Variants in RTCA observed in about 807,000 individuals in gnomAD.
RTCA encodes RNA 3'-terminal phosphate cyclase, also known as RNA terminal phosphate cyclase domain 1.
A neutral mutation model predicts 46.1 loss-of-function variants in RTCA; 37 were observed. The ratio of observed to expected loss-of-function variants is 0.80; its 90% CI spans 0.62 to 1.06. The LOEUF (loss-of-function observed/expected upper bound fraction) is 1.06. Ranked by LOEUF, RTCA falls within the 50% of genes least tolerant of loss-of-function variation. The probability of loss-of-function intolerance (pLI) is 0.00; values close to 1 mark genes in which losing one functional copy is unlikely to be tolerated. For synonymous variants in RTCA, 164 were observed against 158.3 expected (o/e 1.04, Z -0.27); for missense variants, 435 against 455.5 (o/e 0.95, Z 0.41).
At chr1:100,281,781 A>G (rs568642403) in intron 8 of RTCA, among the ~76,000 whole-genome samples, 34 of 152,022 alleles carry the variant, frequency 2.2e-4, no homozygotes, top group African/African-American at 8.2e-4. Flanking sequence ...CAATGGAGCA[A>G]TCTCGGCTCA....
chr1:100,291,361 A>C (rs777168768), intron 10 of RTCA, 42 bp from the exon 11 acceptor site: 2 of 1,322,576 alleles, frequency 1.5e-6, no homozygotes. Context: ...TCTTTCCTCC[A>C]TCTCTCTTCG....
intron 10 of RTCA, among the ~76,000 whole-genome samples, chr1:100,288,276 A>G (rs1181359548): frequency 1.3e-5 from 2 of 152,172 alleles, no homozygotes; most frequent in Non-Finnish European, 2.9e-5. Context: ...CAGTTAATGC[A>G]TACAACTTCA....
chr1:100,266,764 T>A, intron 2 of RTCA, 140 bp downstream of exon 2: 2 of 681,752 alleles, frequency 2.9e-6, no homozygotes, highest in Non-Finnish European at 5.0e-6. Flanking sequence ...GGCGGGGCAC[T>A]CTGCCTGGGC....
At chr1:100,275,101 C>A in intron 6 of RTCA, 136 bp downstream of exon 6, 2 of 906,436 alleles carry the variant, frequency 2.2e-6, no homozygotes, top group Non-Finnish European at 3.2e-6. Context: ...GGCAATATGG[C>A]TGCAGCTGGA....
rs41287260 is a variant in RTCA at position 100,266,848 on chromosome 1, A to G, written c.146+224A>G. 9.6e-3 allele frequency: 5,278 copies of G among 549,250 alleles called. 40 individuals are homozygous for G. Among genetic ancestry groups the G allele is most frequent in the Non-Finnish European group, 0.014 (4,170 of 305,630 alleles). 34.0% of individuals were successfully genotyped at this position (549,250 alleles called of 1,614,324 possible). On this transcript the variant is annotated intron_variant, in intron 2 of 10. Coordinates refer to ENST00000370128, the MANE Select transcript of RTCA (RefSeq NM_003729.4). ...AATGGTCTCGAGTTTTCTCTGTTTGACTAAATAGTGTCATTTGCTGAAGAG... is the reference window on the plus strand; with the variant it reads ...AATGGTCTCGAGTTTTCTCTGTTTGGCTAAATAGTGTCATTTGCTGAAGAG...
In RTCA at chr1:100,278,044, C is replaced by T. The variant is rs533955768; in HGVS notation, c.799+728C>T. Among the ~76,000 whole-genome samples the T allele has an allele frequency of 1.1e-4, 16 of 152,254 alleles. 1 individual carries two copies. In the South Asian group the frequency reaches 2.5e-3, roughly 24 times the overall value. On this transcript the variant is annotated intron_variant, in intron 8 of 10. Coordinates refer to ENST00000370128, the MANE Select transcript of RTCA (RefSeq NM_003729.4). ...ATTTTGTGTACATTCCACTGTATCA[C>T]GGCAGGGGGCACATGATGTTAGTTT...
rs759714707 is a variant in RTCA at position 100,266,519 on chromosome 1, T to G, written c.46-5T>G. The G allele has an allele frequency of 5.0e-6, 8 of 1,612,670 alleles. No individual in the cohort carries two copies. The highest frequency in any genetic ancestry group is 1.1e-5 in the South Asian group (1 of 91,042). On this transcript the variant is annotated splice_polypyrimidine_tract_variant and splice_region_variant and intron_variant, in intron 1 of 10. Coordinates refer to ENST00000370128, the MANE Select transcript of RTCA (RefSeq NM_003729.4). ...TCTCTTCTCCCTGTACCCCAACCTT[T>G]GCAGGGCGGCCAGATCCTGAGAGTC...
chr1:100,275,559 A>C, intron 6 of RTCA, 40 bp from the exon 7 acceptor site: 1 of 1,508,500 alleles, frequency 6.6e-7, no homozygotes, highest in Non-Finnish European at 8.9e-7. Flanking sequence ...CCAAATAATC[A>C]GTAATTGTTT....
At chr1:100,281,704 C>G (rs1666719580) in intron 8 of RTCA, among the ~76,000 whole-genome samples, 1 of 151,658 alleles carries the variant, frequency 6.6e-6, no homozygotes, top group Non-Finnish European at 1.5e-5. Context: ...TTCAGGGCAT[C>G]TCTCTGTTTT....
chr1:100,278,952 TTC>T, intron 8 of RTCA, among the ~76,000 whole-genome samples: 1 of 152,302 alleles, frequency 6.6e-6, no homozygotes, highest in East Asian at 1.9e-4. Context: ...TTAACAAACT[TTC>T]CAGGTACTTT....
At chr1:100,272,268 A>G (rs1196988861) in intron 4 of RTCA, among the ~76,000 whole-genome samples, 1 of 152,158 alleles carries the variant, frequency 6.6e-6, no homozygotes, top group Non-Finnish European at 1.5e-5. Flanking sequence ...TACATTTTGC[A>G]TTATTACCAG....
At chr1:100,274,749 T>C in intron 5 of RTCA, 75 bp from the exon 6 acceptor site, 1 of 1,374,256 alleles carries the variant, frequency 7.3e-7, no homozygotes, top group Non-Finnish European at 9.9e-7. Context: ...CATTGACATG[T>C]CATTTTATTG....
chr1:100,270,796 G>A, intron 4 of RTCA, 116 bp downstream of exon 4: 3 of 1,246,826 alleles, frequency 2.4e-6, no homozygotes, highest in Non-Finnish European at 3.3e-6. Context: ...TCTTCATGGT[G>A]TCTTTTCTTT....
intron 5 of RTCA, among the ~76,000 whole-genome samples, chr1:100,273,698 C>T (rs1197198180): frequency 6.6e-6 from 1 of 152,172 alleles, no homozygotes; most frequent in East Asian, 1.9e-4. Flanking sequence ...AGTGAGGTAC[C>T]CTCATATCTA....
chr1:100,268,120 C>T, intron 2 of RTCA, 32 bp from the exon 3 acceptor site: 2 of 1,610,432 alleles, frequency 1.2e-6, no homozygotes, highest in Non-Finnish European at 1.7e-6. Flanking sequence ...AGTCTGAATG[C>T]ACACGTTTTG....
intron 7 of RTCA, among the ~76,000 whole-genome samples, chr1:100,276,358 A>C (rs1196018467): frequency 6.6e-6 from 1 of 152,198 alleles, no homozygotes; most frequent in Non-Finnish European, 1.5e-5. Flanking sequence ...ATCAGTTCAC[A>C]AATAAATATA....
rs139920725 is a variant in RTCA, at chr1:100,281,442, C to A, written c.800-3786C>A. On this transcript the variant is annotated intron_variant, in intron 8 of 10. Coordinates refer to ENST00000370128, the MANE Select transcript of RTCA (RefSeq NM_003729.4). ...AATGATATTGGACCGTGATTGTGAT[C>A]TATGTTTAAGGATCCCTTCCAACTT... The A allele has an allele frequency of 8.2e-4, 326 of 399,042 alleles. 3 individuals are homozygous for A. The highest frequency in any genetic ancestry group is 6.3e-3 in the African/African-American group (303 of 47,860). The allele number at this position is 399,042 out of a possible 1,614,324, so 24.7% of individuals were successfully genotyped here.
chr1:100,279,676 G>A (rs1666583476), intron 8 of RTCA, among the ~76,000 whole-genome samples: 1 of 152,004 alleles, frequency 6.6e-6, no homozygotes, highest in South Asian at 2.1e-4. Flanking sequence ...CTGCTCAGGA[G>A]GCTGAAGCGG....
chr1:100,286,315 G>C lies in RTCA; in HGVS notation c.895-784G>C, dbSNP rs112224278. 6.1e-4 allele frequency among the ~76,000 whole-genome samples: 93 copies of C among 152,000 alleles called. No individual in the cohort carries two copies. The East Asian group carries it at 8.4e-3, about 14-fold the overall frequency. On this transcript the variant is annotated intron_variant, in intron 9 of 10. Coordinates refer to ENST00000370128, the MANE Select transcript of RTCA (RefSeq NM_003729.4). ...AAAAAATACAAAAAATTAGCCGGGCGTGGTGGCGGGTGCCTGTAGTCGTAG... is the reference window on the plus strand; with the variant it reads ...AAAAAATACAAAAAATTAGCCGGGCCTGGTGGCGGGTGCCTGTAGTCGTAG...
Sources: allele counts gnomAD v4.1 joint callset (sites outside exome capture counted in the v4.1 genomes callset), GRCh38; gene constraint gnomAD v4.1.1; transcripts MANE v1.5; gene names NCBI Gene and HGNC (gene_info 2026-07-23, HGNC 2026-07-21).